SLC49A4: variants seen among roughly 807,000 people sequenced by gnomAD.
SLC49A4 encodes the protein disrupted in renal cancer protein 2.
A neutral mutation model predicts 50.6 loss-of-function variants in SLC49A4; 36 were observed. That is an observed-to-expected ratio of 0.71 (90% CI 0.55 to 0.94). The LOEUF is 0.94. Ranked by LOEUF, SLC49A4 falls within the 40% of genes least tolerant of loss-of-function variation. The pLI is 0.00. For synonymous variants in SLC49A4, 248 were observed against 241.2 expected (o/e 1.03, Z -0.26); for missense variants, 503 against 605.7 (o/e 0.83, Z 1.78).
intron 7 of SLC49A4, among the ~76,000 whole-genome samples, chr3:122,870,763 G>T (rs927905943): frequency 1.3e-5 from 2 of 150,890 alleles, no homozygotes; most frequent in Admixed American, 1.3e-4. Context: ...GCAGTGAGCC[G>T]AGATCACACC....
chr3:122,847,306 A>G (rs1936866605), intron 5 of SLC49A4, among the ~76,000 whole-genome samples: 1 of 151,910 alleles, frequency 6.6e-6, no homozygotes, highest in African/African-American at 2.4e-5. Flanking sequence ...AGATAAAAGA[A>G]TCTAGAATCT....
At chr3:122,810,034 T>C (rs1389276421) in intron 2 of SLC49A4, among the ~76,000 whole-genome samples, 1 of 152,216 alleles carries the variant, frequency 6.6e-6, no homozygotes, top group African/African-American at 2.4e-5. Context: ...CATCCGATGT[T>C]CCAGGGAAGG....
chr3:122,799,117 G>T (rs1936094159), intron 1 of SLC49A4, among the ~76,000 whole-genome samples: 1 of 152,194 alleles, frequency 6.6e-6, no homozygotes, highest in Admixed American at 6.5e-5. Context: ...TAGCAACCCA[G>T]TGTGTTCCAC....
chr3:122,833,550 AT>A, intron 4 of SLC49A4, 104 bp downstream of exon 4: 4 of 1,086,260 alleles, frequency 3.7e-6, no homozygotes, highest in Non-Finnish European at 5.2e-6. Context: ...CAACCTATTA[AT>A]TAGGTTGTAA....
At chr3:122,869,702 T>G (rs1455382366) in intron 7 of SLC49A4, among the ~76,000 whole-genome samples, 1 of 152,192 alleles carries the variant, frequency 6.6e-6, no homozygotes, top group Non-Finnish European at 1.5e-5. Flanking sequence ...CAATAAAAAT[T>G]TTATCTTTCC....
intron 2 of SLC49A4, among the ~76,000 whole-genome samples, chr3:122,809,219 GA>G (rs1237931154): frequency 6.6e-6 from 1 of 152,152 alleles, no homozygotes; most frequent in Non-Finnish European, 1.5e-5. Context: ...GTTCATGTTT[GA>G]AAAGGGAGAT....
chr3:122,878,870 T>G (rs1937298217), intron 8 of SLC49A4, among the ~76,000 whole-genome samples: 1 of 152,228 alleles, frequency 6.6e-6, no homozygotes, highest in Non-Finnish European at 1.5e-5. Context: ...ATTTTCGTAT[T>G]TGTCTTTTTA....
chr3:122,817,557 A>T (rs1039477124), intron 2 of SLC49A4, among the ~76,000 whole-genome samples: 42 of 151,056 alleles, frequency 2.8e-4, no homozygotes, highest in Admixed American at 1.6e-3. Context: ...AGAGAGAGAG[A>T]GTGTGTGTGT....
chr3:122,840,045 A>G (rs532991175), intron 4 of SLC49A4, among the ~76,000 whole-genome samples: 2 of 152,220 alleles, frequency 1.3e-5, no homozygotes, highest in Non-Finnish European at 2.9e-5. Flanking sequence ...ACCATAGAAT[A>G]CTACTCAGCC....
intron 1 of SLC49A4, among the ~76,000 whole-genome samples, chr3:122,798,634 CTTTTTTTT>C (rs71136594): frequency 8.0e-5 from 5 of 62,826 alleles, no homozygotes; most frequent in African/African-American, 2.0e-4. Flanking sequence ...ACTAAAATAT[CTTTTTTTT>C]TTTTTTTTTT....
intron 2 of SLC49A4, among the ~76,000 whole-genome samples, chr3:122,815,635 T>A (rs1245979816): frequency 2.0e-5 from 3 of 152,240 alleles, no homozygotes; most frequent in Non-Finnish European, 4.4e-5. Context: ...CCTTCCTCAA[T>A]GGAGAAAACT....
In SLC49A4 at chr3:122,806,776, A is replaced by C. The variant is rs1576290926; in HGVS notation, c.344-81A>C. ...AATATTAGCATATAATGTCAGTATGATTGACTAAAAATAATCTTTATTTTT... is the reference window on the plus strand; with the variant it reads ...AATATTAGCATATAATGTCAGTATGCTTGACTAAAAATAATCTTTATTTTT... On this transcript the variant is annotated intron_variant, in intron 1 of 8. Coordinates refer to ENST00000261038, the MANE Select transcript of SLC49A4 (RefSeq NM_032839.3). The C allele has an allele frequency of 4.6e-6, 4 of 863,188 alleles. No individual in the cohort carries two copies. In the East Asian group the frequency reaches 1.0e-4, roughly 22 times the overall value. 53.5% of individuals were successfully genotyped at this position (863,188 alleles called of 1,614,324 possible).
In SLC49A4 at chr3:122,878,432, A is replaced by C. The variant is rs563338699; in HGVS notation, c.1322-831A>C. 2.0e-4 allele frequency among the ~76,000 whole-genome samples: 31 copies of C among 152,258 alleles called. No homozygotes were observed. In the South Asian group the frequency reaches 6.4e-3, roughly 32 times the overall value. On this transcript the variant is annotated intron_variant, in intron 8 of 8. Coordinates refer to ENST00000261038, the MANE Select transcript of SLC49A4 (RefSeq NM_032839.3). ...GAAGGCTGAACAGATGCACAGCCCT[A>C]GGGTCCCTGGAGCTCCAGGAAGCAG...
rs1306157701 is a variant in SLC49A4 at position 122,799,924 on chromosome 3, TAGAG to T, written c.343+4394_343+4397del. Among the ~76,000 whole-genome samples, 7 of 152,242 alleles carry T rather than the reference TAGAG, an allele frequency of 4.6e-5. No individual in the cohort carries two copies. The East Asian group carries it at 1.2e-3, about 25-fold the overall frequency. On this transcript the variant is annotated intron_variant, in intron 1 of 8. Coordinates refer to ENST00000261038, the MANE Select transcript of SLC49A4 (RefSeq NM_032839.3). Reference sequence around the variant, plus strand: ...CAATTTACTAAGTTGTGTAAGATGGTAGAGAGAGCAATTTTGGAGCAGATGGCGT... The same window carrying T: ...CAATTTACTAAGTTGTGTAAGATGGTAGAGCAATTTTGGAGCAGATGGCGT...
At chr3:122,810,939 GTATCAAAGACT>G (rs750303425) in intron 2 of SLC49A4, among the ~76,000 whole-genome samples, 10 of 152,118 alleles carry the variant, frequency 6.6e-5, no homozygotes, top group Non-Finnish European at 1.3e-4. Flanking sequence ...AATCCCAGCT[GTATCAAAGACT>G]TACATGTAAA....
chr3:122,842,909 T>G (rs1392560993), intron 4 of SLC49A4, among the ~76,000 whole-genome samples: 1 of 152,212 alleles, frequency 6.6e-6, no homozygotes, highest in Non-Finnish European at 1.5e-5. Flanking sequence ...CCCATTCCCT[T>G]CCTACCAGTG....
chr3:122,833,708 A>G (rs1936638128), intron 4 of SLC49A4, among the ~76,000 whole-genome samples: 2 of 152,106 alleles, frequency 1.3e-5, no homozygotes, highest in African/African-American at 4.8e-5. Flanking sequence ...AAAATCAAAT[A>G]TTTTATTTTT....
At chr3:122,809,002 A>G (rs1391371980) in intron 2 of SLC49A4, among the ~76,000 whole-genome samples, 2 of 152,052 alleles carry the variant, frequency 1.3e-5, no homozygotes, top group Non-Finnish European at 2.9e-5. Flanking sequence ...AGAAAAAGAG[A>G]TGGGAGGTGA....
Position 122,860,150 on chromosome 3 carries a change from G to GTGGT in SLC49A4, c.1088_1091dup (p.Phe364LeufsTer33), listed in dbSNP as rs1560233980. 1 of 1,613,240 alleles carries GTGGT rather than the reference G, an allele frequency of 6.2e-7. No individual in the cohort carries two copies. Among genetic ancestry groups the GTGGT allele is most frequent in the Non-Finnish European group, 8.5e-7 (1 of 1,179,524 alleles). On this transcript the variant is annotated frameshift_variant, in exon 7 of 9. Coordinates refer to ENST00000261038, the MANE Select transcript of SLC49A4 (RefSeq NM_032839.3). LOFTEE classifies it high-confidence loss of function. ...TTTCGGGAGCTACACTGTCATCCAC[G>GTGGT]TGGTTCACCCTGACCTGTTTGAACA...
Sources: allele counts gnomAD v4.1 joint callset (sites outside exome capture counted in the v4.1 genomes callset), GRCh38; gene constraint gnomAD v4.1.1; transcripts MANE v1.5; gene names NCBI Gene and HGNC (gene_info 2026-07-23, HGNC 2026-07-21).